WDHD1: variants seen among roughly 807,000 people sequenced by gnomAD.
WDHD1 encodes the protein WD repeat and HMG-box DNA-binding protein 1.
WDHD1 carries 111 observed loss-of-function variants against 135.4 expected under a neutral mutation model. That is an observed-to-expected ratio of 0.82 (90% confidence interval 0.70 to 0.96). The LOEUF is 0.96. Among genes scored for constraint, WDHD1 ranks in the 40% least tolerant of loss-of-function variants. The pLI, the probability that WDHD1 is intolerant of heterozygous loss-of-function variation, is 0.00. For missense variants in WDHD1, 1,351 were observed against 1,336.3 expected, an observed-to-expected ratio of 1.01 and a Z score of -0.17; for synonymous variants, 434 against 439.0, an observed-to-expected ratio of 0.99 and a Z score of 0.14.
chr14:54,944,339 T>C lies in WDHD1; in HGVS notation c.3182A>G (p.Glu1061Gly). ...MIRFRVLSTE[E>G]RKVWANKAKG... ...CGGCACAATTATCCTTACCTTTCTT[T>C]CTTCAGTTGACAATACTCTAAATCG... is the stretch of plus-strand genomic sequence containing the variant. Residue 1061 changes from glutamate to glycine, a missense_variant, in exon 25 of 26, where the codon GAA becomes GGA. Glu to Gly is a moderately conservative substitution (Grantham distance 98). Around this residue, in one of 2 missense-constraint regions of WDHD1, gnomAD observed 1,330 missense variants for 1,296.1 expected, o/e 1.03. Transcript: ENST00000360586. The C allele has an allele frequency of 6.2e-7, 1 of 1,601,836 alleles. No homozygotes were observed.
At chr14:55,006,985 G>T (rs2042080782) in intron 7 of WDHD1, among the ~76,000 whole-genome samples, 1 of 152,102 alleles carries the variant, frequency 6.6e-6, no homozygotes, top group Admixed American at 6.5e-5. Flanking sequence ...CTAGCATTTT[G>T]TGAGGCTGAG....
In WDHD1 at chr14:54,989,216, C is replaced by T. The variant is rs199914676; in HGVS notation, c.1342-4G>A. 6 of 1,607,584 alleles carry T rather than the reference C, an allele frequency of 3.7e-6. No homozygotes were observed. The highest frequency in any genetic ancestry group is 8.5e-7 in the Non-Finnish European group (1 of 1,177,098). ...TAATTCCAATAGAGTTCCACACCTA[C>T]AAACAGGTAAGATTAAATATAAGTC... On this transcript the variant is annotated splice_polypyrimidine_tract_variant and splice_region_variant and intron_variant, in intron 12 of 25. Coordinates refer to ENST00000360586, the MANE Select transcript of WDHD1 (RefSeq NM_007086.4).
rs2041784914 is a variant in WDHD1 at position 54,991,358 on chromosome 14, T to TC, written c.1195dup (p.Glu399GlyfsTer24). 3.1e-6 allele frequency: 5 copies of TC among 1,614,094 alleles called. No homozygotes were observed. The highest frequency in any genetic ancestry group is 4.2e-6 in the Non-Finnish European group (5 of 1,180,038). ...GCTGCCTTCTTGACCATCTTCCTCC[T>TC]CCTCTTTGAGAAGACTAGAACCAGT... On this transcript the variant is annotated frameshift_variant, in exon 12 of 26. Transcript: ENST00000360586. LOFTEE classifies it high-confidence loss of function.
chr14:55,000,209 C>T (rs1269843542), intron 10 of WDHD1, among the ~76,000 whole-genome samples: 1 of 152,060 alleles, frequency 6.6e-6, no homozygotes, highest in Non-Finnish European at 1.5e-5. Context: ...AAGGCTAATT[C>T]AGAGTAGAAA....
intron 3 of WDHD1, among the ~76,000 whole-genome samples, chr14:55,012,691 G>C (rs1367810946): frequency 6.6e-6 from 1 of 152,068 alleles, no homozygotes; most frequent in Non-Finnish European, 1.5e-5. Context: ...ATCTGGCAAG[G>C]GTCTTCTTAT....
At chr14:54,988,402 C>G (rs954819711) in intron 13 of WDHD1, among the ~76,000 whole-genome samples, 1 of 152,062 alleles carries the variant, frequency 6.6e-6, no homozygotes, top group Non-Finnish European at 1.5e-5. Flanking sequence ...TTGGCCAAGG[C>G]TAGGGTTGAA....
At chr14:55,000,731 A>C in intron 9 of WDHD1, 87 bp from the exon 10 acceptor site, 1 of 1,183,252 alleles carries the variant, frequency 8.5e-7, no homozygotes, top group South Asian at 3.1e-5. Flanking sequence ...TTAGGAAAGA[A>C]TAAATGACTT....
chr14:55,016,949 T>G (rs935762042), intron 2 of WDHD1, among the ~76,000 whole-genome samples: 2 of 152,160 alleles, frequency 1.3e-5, no homozygotes, highest in African/African-American at 4.8e-5. Flanking sequence ...AAAAGAACTT[T>G]CAAACAGTTA....
chr14:54,947,695 G>T (rs1056117315), intron 24 of WDHD1, among the ~76,000 whole-genome samples: 1 of 151,796 alleles, frequency 6.6e-6, no homozygotes, highest in African/African-American at 2.4e-5. Flanking sequence ...GTGTTCAAGC[G>T]ATTCTCCTGC....
At chr14:54,977,935 G>GA (rs1566722678) in intron 16 of WDHD1, among the ~76,000 whole-genome samples, 8 of 143,412 alleles carry the variant, frequency 5.6e-5, no homozygotes, top group Admixed American at 4.2e-4. Flanking sequence ...AGCATGTTAA[G>GA]AAAAAAAAAG....
chr14:55,009,827 T>C (rs2042136439), intron 4 of WDHD1, among the ~76,000 whole-genome samples: 1 of 152,126 alleles, frequency 6.6e-6, no homozygotes, highest in Admixed American at 6.5e-5. Flanking sequence ...TCTTTCCTTT[T>C]TTTCTTTTTT....
chr14:55,000,872 A>G lies in WDHD1; in HGVS notation c.800+14T>C. The G allele has an allele frequency of 2.7e-6, 4 of 1,497,652 alleles. No individual in the cohort carries two copies. The highest frequency in any genetic ancestry group is 2.7e-6 in the Non-Finnish European group (3 of 1,118,678). 92.8% of individuals were successfully genotyped at this position (1,497,652 alleles called of 1,614,324 possible). On this transcript the variant is annotated intron_variant, in intron 9 of 25. Coordinates refer to ENST00000360586, the MANE Select transcript of WDHD1 (RefSeq NM_007086.4). ...GATGAGCAAAGAAGAGACAAAAGAT[A>G]CACTAAATCATACCTTTCCATGCAG...
chr14:54,971,332 T>C (rs1424498110), intron 16 of WDHD1, among the ~76,000 whole-genome samples: 5 of 152,136 alleles, frequency 3.3e-5, no homozygotes, highest in African/African-American at 1.2e-4. Flanking sequence ...ATCCCAGCAC[T>C]TTGGGAGGCC....
chr14:54,944,220 T>TGTGCTA lies in WDHD1; in HGVS notation c.3189+106_3189+111dup, dbSNP rs2040882813. 4.4e-6 allele frequency: 6 copies of TGTGCTA among 1,377,704 alleles called. No individual in the cohort carries two copies. The South Asian group carries it at 8.0e-5, about 18-fold the overall frequency. 85.3% of individuals were successfully genotyped at this position (1,377,704 alleles called of 1,614,324 possible). A position where few individuals can be genotyped will look rare whatever the true frequency, so the allele number is the denominator to read the frequency against. On this transcript the variant is annotated intron_variant, in intron 25 of 25. Coordinates refer to ENST00000360586, the MANE Select transcript of WDHD1 (RefSeq NM_007086.4). ...CAAGTGATCCGCCTCGACCTCCCAA[T>TGTGCTA]GTGCTAGGATTACAGGCATAAGACA...
intron 2 of WDHD1, 37 bp downstream of exon 2, chr14:55,026,674 A>T: frequency 6.3e-7 from 1 of 1,599,966 alleles, no homozygotes; most frequent in Non-Finnish European, 8.6e-7. Flanking sequence ...ATGTTTTAAC[A>T]TTTGCACCTA....
At chr14:54,974,340 G>T (rs1032446463) in intron 16 of WDHD1, among the ~76,000 whole-genome samples, 1 of 151,822 alleles carries the variant, frequency 6.6e-6, no homozygotes. Context: ...GGCGGAGGAC[G>T]GAGGATCGCT....
chr14:55,023,452 G>A lies in WDHD1; in HGVS notation c.77+3259C>T, dbSNP rs114177676. ...ATTTATCTTGAAATTGTGAGCAACC[G>A]CAACTGCAGACCTCAATCTACAGTA... On this transcript the variant is annotated intron_variant, in intron 2 of 25. Coordinates refer to ENST00000360586, the MANE Select transcript of WDHD1 (RefSeq NM_007086.4). 6.9e-3 allele frequency among the ~76,000 whole-genome samples: 1,050 copies of A among 152,264 alleles called. 11 individuals carry two copies. The highest frequency in any genetic ancestry group is 0.023 in the African/African-American group (975 of 41,534).
chr14:54,984,274 C>T (rs979641703), intron 15 of WDHD1, among the ~76,000 whole-genome samples: 5 of 152,170 alleles, frequency 3.3e-5, no homozygotes, highest in African/African-American at 1.2e-4. Flanking sequence ...GTGGGTGGAT[C>T]ACTTGCGCCT....
chr14:55,021,740 C>T (rs558736696), intron 2 of WDHD1, among the ~76,000 whole-genome samples: 2 of 152,312 alleles, frequency 1.3e-5, no homozygotes, highest in Admixed American at 6.5e-5. Context: ...TTACTTCGCT[C>T]CCTTATCTTT....
Sources: allele counts gnomAD v4.1 joint callset (sites outside exome capture counted in the v4.1 genomes callset), GRCh38; gene constraint gnomAD v4.1.1; regional missense constraint gnomAD v4.1.1; transcripts MANE v1.5; gene names NCBI Gene and HGNC (gene_info 2026-07-23, HGNC 2026-07-21).